VAV3: variants seen among roughly 807,000 people sequenced by gnomAD.
VAV3 encodes guanine nucleotide exchange factor VAV3.
In VAV3, 94 loss-of-function variants were observed where a neutral mutation model predicts 131.2. That is an observed-to-expected ratio of 0.72 (90% CI 0.61 to 0.85). VAV3 has a LOEUF of 0.85. Among genes scored for constraint, VAV3 ranks in the 40% least tolerant of loss-of-function variants. The pLI is 0.00. For synonymous variants in VAV3, 349 were observed against 342.0 expected (o/e 1.02, Z -0.22); for missense variants, 939 against 1,002.7 (o/e 0.94, Z 0.86).
chr1:107,874,283 G>A (rs1670387154), intron 2 of VAV3, among the ~76,000 whole-genome samples: 1 of 152,100 alleles, frequency 6.6e-6, no homozygotes, highest in South Asian at 2.1e-4. Flanking sequence ...TGTGTTTAGT[G>A]TGCATACGGA....
intron 19 of VAV3, among the ~76,000 whole-genome samples, chr1:107,651,283 C>T (rs1656147236): frequency 1.3e-5 from 2 of 152,128 alleles, no homozygotes; most frequent in South Asian, 4.1e-4. Context: ...TACCAACATT[C>T]CCTTAAGTGC....
chr1:107,875,076 T>A lies in VAV3; in HGVS notation c.205-59A>T. On this transcript the variant is annotated intron_variant, in intron 1 of 26. Coordinates refer to ENST00000370056, the MANE Select transcript of VAV3 (RefSeq NM_006113.5). Reference sequence around the variant, plus strand: ...TAATTATTCTGAATGCTATCCACCCTCTGTAACACTCAAGACTGCTCTAAA... The same window carrying A: ...TAATTATTCTGAATGCTATCCACCCACTGTAACACTCAAGACTGCTCTAAA... The A allele has an allele frequency of 2.2e-6, 3 of 1,385,032 alleles. No individual in the cohort carries two copies. In the South Asian group the frequency reaches 3.5e-5, roughly 16 times the overall value. The allele number at this position is 1,385,032 out of a possible 1,614,324, so 85.8% of individuals were successfully genotyped here.
intron 2 of VAV3, among the ~76,000 whole-genome samples, chr1:107,866,845 A>T (rs1670011151): frequency 6.9e-6 from 1 of 145,548 alleles, no homozygotes; most frequent in Admixed American, 6.9e-5. Flanking sequence ...AAAAAAAAAA[A>T]AAATAGGGCA....
chr1:107,591,966 G>C (rs1260128066), intron 25 of VAV3, among the ~76,000 whole-genome samples: 2 of 151,894 alleles, frequency 1.3e-5, no homozygotes, highest in Non-Finnish European at 1.5e-5. Context: ...TTTGCCAATT[G>C]TATCACATCT....
chr1:107,801,006 T>C (rs1666803136), intron 2 of VAV3, among the ~76,000 whole-genome samples: 1 of 152,182 alleles, frequency 6.6e-6, no homozygotes, highest in Non-Finnish European at 1.5e-5. Flanking sequence ...TGATGAGAGA[T>C]AGGGGTTTCG....
chr1:107,871,655 G>A (rs991771498), intron 2 of VAV3, among the ~76,000 whole-genome samples: 1 of 152,128 alleles, frequency 6.6e-6, no homozygotes, highest in African/African-American at 2.4e-5. Context: ...TTCTAGAGAA[G>A]CCCAAATAGA....
At chr1:107,728,678 G>C (rs768600662) in intron 15 of VAV3, among the ~76,000 whole-genome samples, 43 of 143,720 alleles carry the variant, frequency 3.0e-4, no homozygotes, top group Non-Finnish European at 4.1e-4. Flanking sequence ...CCCCAAATCA[G>C]CTCTACAAAG....
Position 107,642,545 on chromosome 1 carries a change from A to G in VAV3, c.1914+74T>C, listed in dbSNP as rs1655420391. 10 of 1,563,312 alleles carry G rather than the reference A, an allele frequency of 6.4e-6. No homozygotes were observed. The East Asian group carries it at 2.3e-4, about 35-fold the overall frequency. The stretch of plus-strand genomic sequence containing the variant: ...GCTTTGCACTGTGGACTCGCCCTGA[A>G]TTCCTTCTTGGGCAAGATTTAAGAA... On this transcript the variant is annotated intron_variant, in intron 20 of 26. Transcript: ENST00000370056.
At chr1:107,885,454 A>G (rs1436401946) in intron 1 of VAV3, among the ~76,000 whole-genome samples, 1 of 152,162 alleles carries the variant, frequency 6.6e-6, no homozygotes, top group Non-Finnish European at 1.5e-5. Context: ...AGAAAAATAC[A>G]GTCAAAAAAC....
At chr1:107,890,031 G>A (rs772439533) in intron 1 of VAV3, among the ~76,000 whole-genome samples, 38 of 151,520 alleles carry the variant, frequency 2.5e-4, no homozygotes, top group African/African-American at 9.0e-4. Flanking sequence ...ACTTATTTAC[G>A]GCTTATACTC....
chr1:107,757,926 A>G (rs1203263884), intron 10 of VAV3, among the ~76,000 whole-genome samples: 1 of 152,106 alleles, frequency 6.6e-6, no homozygotes, highest in Non-Finnish European at 1.5e-5. Context: ...CTATCACCTC[A>G]TGGGCCAATT....
At chr1:107,607,667 T>G (rs1652390282) in intron 22 of VAV3, among the ~76,000 whole-genome samples, 2 of 152,216 alleles carry the variant, frequency 1.3e-5, no homozygotes, top group South Asian at 2.1e-4. Flanking sequence ...TTGTTCTGCA[T>G]ACAGATTTTA....
At chr1:107,641,759 A>C (rs1202105927) in intron 20 of VAV3, among the ~76,000 whole-genome samples, 1 of 152,128 alleles carries the variant, frequency 6.6e-6, no homozygotes, top group Non-Finnish European at 1.5e-5. Flanking sequence ...GTGAACTGTT[A>C]ATATATTAAA....
At chr1:107,729,402 GAAAC>G (rs1662080073) in intron 15 of VAV3, among the ~76,000 whole-genome samples, 1 of 152,156 alleles carries the variant, frequency 6.6e-6, no homozygotes, top group South Asian at 2.1e-4. Context: ...CAAGGGAAAA[GAAAC>G]AAAGAAAAAT....
chr1:107,690,349 C>T (rs1299214006), intron 17 of VAV3, among the ~76,000 whole-genome samples: 1 of 152,058 alleles, frequency 6.6e-6, no homozygotes, highest in Non-Finnish European at 1.5e-5. Flanking sequence ...GGTCAAGTAG[C>T]TACGGAGACA....
intron 19 of VAV3, among the ~76,000 whole-genome samples, chr1:107,678,234 G>T (rs1439542918): frequency 6.6e-6 from 1 of 152,024 alleles, no homozygotes; most frequent in African/African-American, 2.4e-5. Context: ...GTTTTTTCAA[G>T]TTCATTTCTT....
intron 7 of VAV3, among the ~76,000 whole-genome samples, chr1:107,766,945 G>A (rs1664766463): frequency 6.6e-6 from 1 of 152,058 alleles, no homozygotes; most frequent in South Asian, 2.1e-4. Flanking sequence ...AGTTATTAAA[G>A]GATAATTTAT....
chr1:107,694,272 G>C (rs559255739), intron 17 of VAV3, among the ~76,000 whole-genome samples: 2 of 152,276 alleles, frequency 1.3e-5, no homozygotes, highest in South Asian at 4.1e-4. Context: ...CAATGAAAGG[G>C]TGGTCCTTGG....
chr1:107,854,725 C>T (rs1190057325), intron 2 of VAV3, among the ~76,000 whole-genome samples: 3 of 152,166 alleles, frequency 2.0e-5, no homozygotes, highest in Non-Finnish European at 4.4e-5. Context: ...ACTATCTTTC[C>T]CTGCCATAGT....
Sources: gnomAD v4.1 joint callset for allele counts (sites outside exome capture counted in the v4.1 genomes callset) on GRCh38, gnomAD v4.1.1 for gene constraint, MANE v1.5 for transcripts, NCBI Gene and HGNC (gene_info 2026-07-23, HGNC 2026-07-21) for gene names.